The following MEIS2 variants were observed in gnomAD, a reference collection of about 807,000 sequenced individuals.
MEIS2 encodes homeobox protein Meis2.
A neutral mutation model predicts 58.6 loss-of-function variants in MEIS2; 9 were observed. That is an observed-to-expected ratio of 0.15 (90% CI 0.09 to 0.27). MEIS2 has a LOEUF of 0.27. Among genes scored for constraint, MEIS2 ranks in the 10% least tolerant of loss-of-function variants. The probability of loss-of-function intolerance (pLI) is 1.00; values close to 1 mark genes in which losing one functional copy is unlikely to be tolerated. For synonymous variants in MEIS2, 221 were observed against 228.4 expected, an observed-to-expected ratio of 0.97 and a Z score of 0.29; for missense variants, 427 against 635.0, an observed-to-expected ratio of 0.67 and a Z score of 3.52.
chr15:36,980,270 G>A (rs2059890308), intron 8 of MEIS2, among the ~76,000 whole-genome samples: 1 of 152,010 alleles, frequency 6.6e-6, no homozygotes, highest in African/African-American at 2.4e-5. Flanking sequence ...ATATATATCT[G>A]TGTTTTTCAT....
In MEIS2 at chr15:37,098,218, G is replaced by T. The variant is rs373210575; in HGVS notation, c.13-19C>A. The stretch of plus-strand genomic sequence containing the variant: ...CATCGTACTGTCAGAACCCGGGAAG[G>T]GGGAGGGGGCGCAGGAGGTGAGGGA... On this transcript the variant is annotated intron_variant, in intron 1 of 11. Coordinates refer to ENST00000561208, the MANE Select transcript of MEIS2 (RefSeq NM_170675.5). 258 of 1,571,494 alleles carry T rather than the reference G, an allele frequency of 1.6e-4. No homozygotes were observed. Among genetic ancestry groups the T allele is most frequent in the Admixed American group, 3.1e-4 (18 of 57,164 alleles).
Position 37,099,505 on chromosome 15 carries a change from T to C in MEIS2, c.-39A>G, listed in dbSNP as rs758380346. ...AATAAACTCCTGGATGTGTCGTATA[T>C]TTAATATCCCAGTCCGGATAAGAAA... On this transcript the variant is annotated 5_prime_UTR_variant, in exon 1 of 12. Coordinates refer to ENST00000561208, the MANE Select transcript of MEIS2 (RefSeq NM_170675.5). 13 of 1,613,802 alleles carry C rather than the reference T, an allele frequency of 8.1e-6. No homozygotes were observed. Among genetic ancestry groups the C allele is most frequent in the South Asian group, 2.2e-5 (2 of 91,042 alleles).
At chr15:36,927,388 G>A (rs1270953027) in intron 9 of MEIS2, among the ~76,000 whole-genome samples, 2 of 152,034 alleles carry the variant, frequency 1.3e-5, no homozygotes, top group Non-Finnish European at 2.9e-5. Context: ...AGGCAAGAAT[G>A]GGCAGAAGGA....
intron 7 of MEIS2, among the ~76,000 whole-genome samples, chr15:37,046,290 C>T (rs1191606398): frequency 3.9e-5 from 6 of 152,242 alleles, no homozygotes; most frequent in Admixed American, 2.6e-4. Context: ...TCAGTGATCC[C>T]GAGACAACCT....
chr15:37,007,400 G>T (rs1238451407), intron 8 of MEIS2, among the ~76,000 whole-genome samples: 1 of 152,132 alleles, frequency 6.6e-6, no homozygotes, highest in Non-Finnish European at 1.5e-5. Flanking sequence ...AAGAAAAAGA[G>T]AATTCACAAG....
intron 7 of MEIS2, among the ~76,000 whole-genome samples, chr15:37,049,343 T>C (rs1412080848): frequency 6.6e-6 from 1 of 152,174 alleles, no homozygotes. Context: ...GTGATGAAAA[T>C]GTCCTAAAAT....
rs562537069 is a variant in MEIS2, at chr15:36,997,634, C to A, written c.900+39180G>T. On this transcript the variant is annotated intron_variant, in intron 8 of 11. Transcript: ENST00000561208. ...AGCTGGGACTACAGGCACCTGCCACCACGCCTGGCTAATTTTTTTTGTATT... is the reference window on the plus strand; with the variant it reads ...AGCTGGGACTACAGGCACCTGCCACAACGCCTGGCTAATTTTTTTTGTATT... Among the ~76,000 whole-genome samples the A allele has an allele frequency of 4.6e-5, 7 of 150,870 alleles. No homozygotes were observed. In the East Asian group the frequency reaches 1.4e-3, roughly 29 times the overall value.
chr15:37,057,846 C>T (rs189577534), intron 7 of MEIS2, among the ~76,000 whole-genome samples: 1 of 152,114 alleles, frequency 6.6e-6, no homozygotes, highest in African/African-American at 2.4e-5. Context: ...AGGCTTGTAT[C>T]CTGTGCTGGT....
At chr15:36,984,294 T>C (rs150171165) in intron 8 of MEIS2, among the ~76,000 whole-genome samples, 5 of 152,180 alleles carry the variant, frequency 3.3e-5, no homozygotes, top group African/African-American at 1.2e-4. Flanking sequence ...ATATATGGCC[T>C]TTATTATGTC....
intron 8 of MEIS2, among the ~76,000 whole-genome samples, chr15:37,021,837 T>A (rs898184990): frequency 6.6e-6 from 1 of 152,216 alleles, no homozygotes; most frequent in African/African-American, 2.4e-5. Flanking sequence ...GTTCTGTGCA[T>A]ATGTCCATAT....
intron 8 of MEIS2, among the ~76,000 whole-genome samples, chr15:36,952,958 T>A (rs1301230766): frequency 1.3e-5 from 2 of 152,066 alleles, no homozygotes; most frequent in Non-Finnish European, 2.9e-5. Context: ...AAATTCACCT[T>A]GCACAGATGG....
intron 6 of MEIS2, among the ~76,000 whole-genome samples, chr15:37,085,115 G>A (rs1892726546): frequency 6.6e-6 from 1 of 151,766 alleles, no homozygotes; most frequent in African/African-American, 2.4e-5. Flanking sequence ...ACCAATCGAA[G>A]TATACAAATT....
chr15:36,937,374 CA>C (rs1334225637), intron 9 of MEIS2, among the ~76,000 whole-genome samples: 1 of 152,150 alleles, frequency 6.6e-6, no homozygotes, highest in East Asian at 1.9e-4. Context: ...TGAAACGCTA[CA>C]TGTAACTTTG....
At chr15:36,923,553 C>A (rs1406377919) in intron 9 of MEIS2, among the ~76,000 whole-genome samples, 1 of 152,174 alleles carries the variant, frequency 6.6e-6, no homozygotes, top group Non-Finnish European at 1.5e-5. Context: ...GAACACCTCC[C>A]AAAATGCATT....
intron 9 of MEIS2, among the ~76,000 whole-genome samples, chr15:36,946,000 A>G (rs769875446): frequency 2.0e-5 from 3 of 152,030 alleles, no homozygotes; most frequent in Non-Finnish European, 4.4e-5. Flanking sequence ...TGAGTTTTTA[A>G]AAGTACAGTA....
intron 9 of MEIS2, among the ~76,000 whole-genome samples, chr15:36,904,562 G>A (rs1268296861): frequency 6.6e-6 from 1 of 151,760 alleles, no homozygotes; most frequent in Non-Finnish European, 1.5e-5. Context: ...AACCTATGAT[G>A]ACCACATTTG....
In MEIS2 at chr15:37,094,718, A is replaced by G. The variant is rs374512063; in HGVS notation, c.439-141T>C. 3.0e-4 allele frequency: 193 copies of G among 634,394 alleles called. 2 individuals are homozygous for G. In the South Asian group the frequency reaches 3.8e-3, roughly 13 times the overall value. The allele number at this position is 634,394 out of a possible 1,614,324, so 39.3% of individuals were successfully genotyped here. A position where few individuals can be genotyped will look rare whatever the true frequency, so the allele number is the denominator to read the frequency against. On this transcript the variant is annotated intron_variant, in intron 4 of 11. Transcript: ENST00000561208. ...GCAGGTGGCCAGGAAAAACTTAAAC[A>G]TCAAGAAATAGTCAGAAAAATCAAG...
chr15:37,062,095 T>C (rs2141843630), intron 7 of MEIS2, among the ~76,000 whole-genome samples: 1 of 152,256 alleles, frequency 6.6e-6, no homozygotes, highest in Middle Eastern at 3.4e-3. Flanking sequence ...CAACAAGTTA[T>C]AATAAAAGAC....
intron 9 of MEIS2, among the ~76,000 whole-genome samples, chr15:36,917,968 T>A (rs1171024775): frequency 6.6e-6 from 1 of 152,250 alleles, no homozygotes; most frequent in Non-Finnish European, 1.5e-5. Flanking sequence ...CTTTCTCTTA[T>A]TAATAATCTT....
Sources: gnomAD v4.1 joint callset for allele counts (sites outside exome capture counted in the v4.1 genomes callset) on GRCh38, gnomAD v4.1.1 for gene constraint, MANE v1.5 for transcripts, NCBI Gene and HGNC (gene_info 2026-07-23, HGNC 2026-07-21) for gene names.